The following SPAG16 variants were observed in gnomAD, a reference collection of about 807,000 sequenced individuals.
SPAG16 encodes the protein sperm associated antigen 16, also known as sperm-associated antigen 16 protein.
Under a neutral mutation model 80.4 loss-of-function variants are expected in SPAG16, and 86 were observed. That is an observed-to-expected ratio of 1.07 (90% confidence interval 0.90 to 1.28). SPAG16 has a LOEUF of 1.28. SPAG16 is among the 50% of genes most tolerant of loss of function. The probability of loss-of-function intolerance (pLI) is 0.00; values close to 1 mark genes in which losing one functional copy is unlikely to be tolerated. For missense variants in SPAG16, 870 were observed against 765.3 expected (o/e 1.14, Z -1.61); for synonymous variants, 294 against 265.9 (o/e 1.11, Z -1.03).
intron 14 of SPAG16, among the ~76,000 whole-genome samples, chr2:214,131,671 C>T (rs973931348): frequency 6.6e-6 from 1 of 151,826 alleles, no homozygotes; most frequent in Non-Finnish European, 1.5e-5. Context: ...ATGGCATAAA[C>T]TTAAATGCAC....
At chr2:214,064,279 T>A (rs1176293689) in intron 13 of SPAG16, among the ~76,000 whole-genome samples, 1 of 152,112 alleles carries the variant, frequency 6.6e-6, no homozygotes, top group Non-Finnish European at 1.5e-5. Flanking sequence ...AGTTTTTAAT[T>A]ATACTTATAT....
intron 4 of SPAG16, among the ~76,000 whole-genome samples, chr2:213,311,964 C>G (rs986992935): frequency 6.6e-6 from 1 of 151,388 alleles, no homozygotes. Flanking sequence ...TTTCACTCCT[C>G]AAGCAGAAAA....
intron 11 of SPAG16, among the ~76,000 whole-genome samples, chr2:213,875,195 C>A (rs1413116853): frequency 6.6e-6 from 1 of 151,686 alleles, no homozygotes; most frequent in East Asian, 1.9e-4. Context: ...CACTTTGAAT[C>A]ACCCCCTTGT....
intron 15 of SPAG16, among the ~76,000 whole-genome samples, chr2:214,295,771 A>G (rs1302234184): frequency 6.6e-6 from 1 of 152,184 alleles, no homozygotes; most frequent in Non-Finnish European, 1.5e-5. Context: ...AGCCTGGGCC[A>G]CAGAACAAGA....
At chr2:213,351,104 C>G (rs750469938) in intron 7 of SPAG16, among the ~76,000 whole-genome samples, 1 of 151,992 alleles carries the variant, frequency 6.6e-6, no homozygotes, top group Non-Finnish European at 1.5e-5. Context: ...TGGCCCCATA[C>G]CACTGCACTC....
intron 10 of SPAG16, among the ~76,000 whole-genome samples, chr2:213,503,855 A>T (rs4456649): frequency 2.0e-5 from 3 of 152,024 alleles, no homozygotes; most frequent in African/African-American, 7.3e-5. Flanking sequence ...CCAAACACAG[A>T]AGGTGAGGGT....
chr2:213,660,870 C>T (rs969978541), intron 10 of SPAG16, among the ~76,000 whole-genome samples: 1 of 152,206 alleles, frequency 6.6e-6, no homozygotes, highest in African/African-American at 2.4e-5. Flanking sequence ...TTTCTTTCAA[C>T]CCCCACATCT....
intron 11 of SPAG16, among the ~76,000 whole-genome samples, chr2:213,921,724 TG>T (rs1447142984): frequency 5.3e-5 from 8 of 152,224 alleles, no homozygotes; most frequent in Admixed American, 1.3e-4. Flanking sequence ...AAGGCAGTTC[TG>T]GTGGTAATGA....
At chr2:213,742,875 A>T (rs986793406) in intron 10 of SPAG16, among the ~76,000 whole-genome samples, 4 of 141,806 alleles carry the variant, frequency 2.8e-5, no homozygotes, top group South Asian at 2.2e-4. Flanking sequence ...TTATTTCTTA[A>T]TTCTACAAAT....
rs149097138 is a variant in SPAG16, at chr2:213,544,975, T to C, written c.1070+54885T>C. Among the ~76,000 whole-genome samples, 49 of 152,272 alleles carry C rather than the reference T, an allele frequency of 3.2e-4. No individual in the cohort carries two copies. In the East Asian group the frequency reaches 8.7e-3, roughly 27 times the overall value. On this transcript the variant is annotated intron_variant, in intron 10 of 15. Transcript: ENST00000331683. ...TTGAAAATTGTGAAGAAAGCTGCTA[T>C]AAACATCCGTGTGCAGGTTTTCAGC...
chr2:213,588,675 G>T (rs1403206535), intron 10 of SPAG16, among the ~76,000 whole-genome samples: 9 of 151,010 alleles, frequency 6.0e-5, no homozygotes, highest in Non-Finnish European at 1.3e-4. Flanking sequence ...GGTGGCGGGC[G>T]CCTGTAGTCC....
At chr2:213,756,188 A>G (rs1168113578) in intron 10 of SPAG16, among the ~76,000 whole-genome samples, 1 of 152,140 alleles carries the variant, frequency 6.6e-6, no homozygotes, top group African/African-American at 2.4e-5. Flanking sequence ...AAAAAAAGAA[A>G]AAAGTCTATG....
chr2:214,383,051 C>G (rs1446493034), intron 15 of SPAG16, among the ~76,000 whole-genome samples: 2 of 152,058 alleles, frequency 1.3e-5, no homozygotes, highest in Admixed American at 6.5e-5. Context: ...AGCTGCTATC[C>G]TCTTAAAACA....
chr2:213,531,770 C>CT (rs1403055062), intron 10 of SPAG16, among the ~76,000 whole-genome samples: 4 of 152,112 alleles, frequency 2.6e-5, no homozygotes, highest in Non-Finnish European at 5.9e-5. Context: ...AAAGGTCCTT[C>CT]TTTTTTACTA....
chr2:214,335,346 G>A (rs891553145), intron 15 of SPAG16, among the ~76,000 whole-genome samples: 4 of 152,030 alleles, frequency 2.6e-5, no homozygotes, highest in Admixed American at 6.6e-5. Context: ...CGCAGCATCC[G>A]CTACACACTG....
At chr2:213,452,063 A>G (rs536875362) in intron 9 of SPAG16, among the ~76,000 whole-genome samples, 7 of 151,942 alleles carry the variant, frequency 4.6e-5, no homozygotes, top group African/African-American at 1.7e-4. Context: ...ACTGGGGCCT[A>G]TTGTTTGTAT....
At chr2:213,375,995 A>G (rs2066866058) in intron 9 of SPAG16, among the ~76,000 whole-genome samples, 1 of 150,450 alleles carries the variant, frequency 6.6e-6, no homozygotes, top group Admixed American at 6.6e-5. Context: ...TTGTATAAAT[A>G]TAAAATATTT....
rs183729170 is a variant in SPAG16 at position 214,199,449 on chromosome 2, C to T, written c.1720+50183C>T. ...TTATTTCTGGGTTCTCTATTCTGTT[C>T]CCTGGGTCTACATGCCTATTTTTAT... On this transcript the variant is annotated intron_variant, in intron 15 of 15. Transcript: ENST00000331683. 3.8e-3 allele frequency among the ~76,000 whole-genome samples: 581 copies of T among 152,198 alleles called. 5 individuals are homozygous for T. Among genetic ancestry groups the T allele is most frequent in the African/African-American group, 0.014 (563 of 41,536 alleles).
intron 13 of SPAG16, among the ~76,000 whole-genome samples, chr2:214,027,787 A>G (rs2048211326): frequency 6.6e-6 from 1 of 151,938 alleles, no homozygotes; most frequent in Non-Finnish European, 1.5e-5. Context: ...TCATATTTAC[A>G]TTATTTGACA....
Sources: gnomAD v4.1 joint callset for allele counts (sites outside exome capture counted in the v4.1 genomes callset) on GRCh38, gnomAD v4.1.1 for gene constraint, MANE v1.5 for transcripts, NCBI Gene and HGNC (gene_info 2026-07-23, HGNC 2026-07-21) for gene names.